Variants in UNC5C observed in about 807,000 individuals in gnomAD.
UNC5C encodes the protein netrin receptor UNC5C.
Under a neutral mutation model 99.8 loss-of-function variants are expected in UNC5C, and 47 were observed. The observed-to-expected ratio is 0.47, with a 90% confidence interval of 0.37 to 0.60. UNC5C has a LOEUF of 0.60. UNC5C is among the 20% of genes least tolerant of loss of function. The pLI is 0.00. For missense variants in UNC5C, 1,062 were observed against 1,165.9 expected, an observed-to-expected ratio of 0.91 and a Z score of 1.30; for synonymous variants, 487 against 452.2, an observed-to-expected ratio of 1.08 and a Z score of -0.98.
chr4:95,233,603 C>A (rs1313953375), intron 7 of UNC5C, among the ~76,000 whole-genome samples: 1 of 152,044 alleles, frequency 6.6e-6, no homozygotes, highest in Non-Finnish European at 1.5e-5. Flanking sequence ...TATATGCTAT[C>A]CATGACAAAT....
chr4:95,506,636 T>C (rs886582085), intron 1 of UNC5C, among the ~76,000 whole-genome samples: 1 of 151,970 alleles, frequency 6.6e-6, no homozygotes, highest in Admixed American at 6.6e-5. Context: ...AAAATGGCTA[T>C]GTAGTCAGCC....
intron 2 of UNC5C, among the ~76,000 whole-genome samples, chr4:95,323,668 C>T (rs1251367357): frequency 1.3e-5 from 2 of 152,162 alleles, no homozygotes; most frequent in Admixed American, 6.5e-5. Flanking sequence ...CCTAAATCAT[C>T]TCCTGGTGTG....
chr4:95,368,504 G>T (rs1156722520), intron 1 of UNC5C, among the ~76,000 whole-genome samples: 1 of 152,132 alleles, frequency 6.6e-6, no homozygotes, highest in Non-Finnish European at 1.5e-5. Flanking sequence ...TGTCTCTGAT[G>T]ACAGCTAATG....
rs182653094 is a variant in UNC5C at position 95,241,413 on chromosome 4, C to T, written c.1108+1016G>A. On this transcript the variant is annotated intron_variant, in intron 7 of 15. Coordinates refer to ENST00000453304, the MANE Select transcript of UNC5C (RefSeq NM_003728.4). ...TAAGTAAGATATCTTTCTAAAGGTTCCTGTGTGTATAGACTCTGAAAAGTA... is the reference window on the plus strand; with the variant it reads ...TAAGTAAGATATCTTTCTAAAGGTTTCTGTGTGTATAGACTCTGAAAAGTA... 4.2e-3 allele frequency among the ~76,000 whole-genome samples: 635 copies of T among 152,240 alleles called. 3 individuals are homozygous for T. The highest frequency in any genetic ancestry group is 5.6e-3 in the Non-Finnish European group (378 of 68,022).
chr4:95,499,844 A>G (rs1310262794), intron 1 of UNC5C, among the ~76,000 whole-genome samples: 1 of 152,092 alleles, frequency 6.6e-6, no homozygotes, highest in Non-Finnish European at 1.5e-5. Flanking sequence ...GAAAAGATAG[A>G]TATTAAAGAA....
At chr4:95,521,666 A>C (rs905857971) in intron 1 of UNC5C, among the ~76,000 whole-genome samples, 1 of 152,216 alleles carries the variant, frequency 6.6e-6, no homozygotes, top group Admixed American at 6.5e-5. Context: ...GTGGAGAGAC[A>C]CAAACATTCA....
At chr4:95,530,632 C>T (rs945633476) in intron 1 of UNC5C, among the ~76,000 whole-genome samples, 7 of 152,110 alleles carry the variant, frequency 4.6e-5, no homozygotes, top group East Asian at 1.9e-4. Flanking sequence ...AAAATAACAA[C>T]GCTAAGTGCA....
chr4:95,171,681 T>C (rs1248058756), intron 14 of UNC5C, among the ~76,000 whole-genome samples: 1 of 151,898 alleles, frequency 6.6e-6, no homozygotes, highest in African/African-American at 2.4e-5. Flanking sequence ...CTATTGTGAA[T>C]AGTGCCGCAG....
rs1267762374 is a variant in UNC5C, at chr4:95,222,834, T to C, written c.1109-2658A>G. ...GGATTTTCTGTTGTTTCTTGCCCCCTTCATTTAATAGGAGTTCGATAGGTT... is the reference window on the plus strand; with the variant it reads ...GGATTTTCTGTTGTTTCTTGCCCCCCTCATTTAATAGGAGTTCGATAGGTT... On this transcript the variant is annotated intron_variant, in intron 7 of 15. Transcript: ENST00000453304. 3.3e-5 allele frequency among the ~76,000 whole-genome samples: 5 copies of C among 152,136 alleles called. 1 individual carries two copies. The highest frequency in any genetic ancestry group is 1.3e-4 in the Admixed American group (2 of 15,276).
At chr4:95,450,283 G>A (rs898813700) in intron 1 of UNC5C, among the ~76,000 whole-genome samples, 3 of 152,164 alleles carry the variant, frequency 2.0e-5, no homozygotes, top group Admixed American at 6.5e-5. Context: ...ACAATCATAG[G>A]TTCATAGCTC....
At chr4:95,441,033 G>A (rs921999347) in intron 1 of UNC5C, among the ~76,000 whole-genome samples, 1 of 151,848 alleles carries the variant, frequency 6.6e-6, no homozygotes, top group African/African-American at 2.4e-5. Context: ...AAATAAAAAC[G>A]AAACTGGACA....
rs536039867 is a variant in UNC5C, at chr4:95,424,518, C to CTTTTTTTTTTTTTT, written c.125-88901_125-88888dup. ...GGCTTCAGAATTTTTTTTTTCTTTT[C>CTTTTTTTTTTTTTT]TTTTTTTTTTTTTTTTTTTTTGAGA... is the stretch of plus-strand genomic sequence containing the variant. On this transcript the variant is annotated intron_variant, in intron 1 of 15. Coordinates refer to ENST00000453304, the MANE Select transcript of UNC5C (RefSeq NM_003728.4). Among the ~76,000 whole-genome samples the CTTTTTTTTTTTTTT allele has an allele frequency of 3.3e-3, 222 of 67,950 alleles. 14 individuals are homozygous for CTTTTTTTTTTTTTT. The highest frequency in any genetic ancestry group is 0.012 in the South Asian group (16 of 1,334). 44.6% of individuals were successfully genotyped at this position (67,950 alleles called of 152,430 possible). A position where few individuals can be genotyped will look rare whatever the true frequency, so the allele number is the denominator to read the frequency against.
chr4:95,472,272 C>G (rs920543129), intron 1 of UNC5C, among the ~76,000 whole-genome samples: 1 of 151,990 alleles, frequency 6.6e-6, no homozygotes, highest in Non-Finnish European at 1.5e-5. Flanking sequence ...GAAGGAGAAG[C>G]CTTTCATTTC....
rs771814310 is a variant in UNC5C at position 95,182,936 on chromosome 4, T to A, written c.2412A>T (p.Gly804=). Residue 804 remains glycine, a synonymous_variant, in exon 14 of 16, where the codon GGA becomes GGT. Transcript: ENST00000453304. Reference sequence around the variant, plus strand: ...AGTTGAGCTGGAAGATCTGCCCTTCTCCTTCCACCTGCCGCACACAGAGTT... The same window carrying A: ...AGTTGAGCTGGAAGATCTGCCCTTCACCTTCCACCTGCCGCACACAGAGTT... The part of the protein sequence containing the change: ...VCKLCVRQVE[G]EGQIFQLNCT... The A allele has an allele frequency of 1.2e-6, 2 of 1,613,910 alleles. No homozygotes were observed. Among genetic ancestry groups the A allele is most frequent in the Non-Finnish European group, 8.5e-7 (1 of 1,179,848 alleles).
At chr4:95,385,856 A>G (rs1046386729) in intron 1 of UNC5C, among the ~76,000 whole-genome samples, 4 of 152,158 alleles carry the variant, frequency 2.6e-5, no homozygotes, top group African/African-American at 9.7e-5. Flanking sequence ...CTTTGGTGAT[A>G]TTTTAGTAAT....
At chr4:95,278,481 CTT>C (rs879604007) in intron 3 of UNC5C, 119 bp from the exon 4 acceptor site, 178 of 585,720 alleles carry the variant, frequency 3.0e-4, no homozygotes, top group Middle Eastern at 1.4e-3. Flanking sequence ...TTTCTTTTTT[CTT>C]TTTTTTTTTG....
At chr4:95,439,847 T>A (rs1746898607) in intron 1 of UNC5C, among the ~76,000 whole-genome samples, 1 of 152,108 alleles carries the variant, frequency 6.6e-6, no homozygotes, top group South Asian at 2.1e-4. Flanking sequence ...AAATTGAATG[T>A]CAGTCTTTTT....
intron 8 of UNC5C, 124 bp from the exon 9 acceptor site, chr4:95,219,437 T>TACAC: frequency 2.3e-6 from 2 of 877,832 alleles, no homozygotes; most frequent in Non-Finnish European, 3.5e-6. Context: ...CGGAGATAGA[T>TACAC]AGACAGGCTC....
chr4:95,338,544 T>A (rs1270447296), intron 1 of UNC5C, among the ~76,000 whole-genome samples: 1 of 152,070 alleles, frequency 6.6e-6, no homozygotes, highest in Non-Finnish European at 1.5e-5. Context: ...AGTGGAGGAA[T>A]CTACTTTTCA....
Sources: allele counts gnomAD v4.1 joint callset (sites outside exome capture counted in the v4.1 genomes callset), GRCh38; gene constraint gnomAD v4.1.1; transcripts MANE v1.5; gene names NCBI Gene and HGNC (gene_info 2026-07-23, HGNC 2026-07-21).